The following PDZD2 variants were observed in gnomAD, a reference collection of about 807,000 sequenced individuals.
The protein encoded by PDZD2 is PDZ domain-containing protein 2.
A neutral mutation model predicts 220.7 loss-of-function variants in PDZD2; 90 were observed. The observed-to-expected ratio is 0.41, with a 90% confidence interval of 0.34 to 0.49. The LOEUF (loss-of-function observed/expected upper bound fraction) is 0.49, where lower values mean the gene tolerates loss of function less well. Among genes scored for constraint, PDZD2 ranks in the 20% least tolerant of loss-of-function variants. The pLI is 0.28. For missense variants in PDZD2, 3,174 were observed against 3,608.5 expected (o/e 0.88, Z 3.08); for synonymous variants, 1,375 against 1,450.5 (o/e 0.95, Z 1.18).
At chr5:32,063,809 G>A (rs1359957460) in intron 14 of PDZD2, among the ~76,000 whole-genome samples, 2 of 152,168 alleles carry the variant, frequency 1.3e-5, no homozygotes, top group East Asian at 1.9e-4. Context: ...AATTGTGGAC[G>A]GAATCAATAG....
chr5:31,873,429 C>T (rs1739003748), intron 2 of PDZD2, among the ~76,000 whole-genome samples: 1 of 137,332 alleles, frequency 7.3e-6, no homozygotes, highest in Non-Finnish European at 1.6e-5. Flanking sequence ...AGAGTGAAGC[C>T]TTGTCTCACC....
chr5:32,100,438 G>A (rs1018697515), intron 23 of PDZD2: 10 of 219,906 alleles, frequency 4.5e-5, no homozygotes, highest in Non-Finnish European at 6.4e-5. Context: ...CCACTATCCC[G>A]AAACCAGCAC....
intron 1 of PDZD2, among the ~76,000 whole-genome samples, chr5:31,689,357 T>TTTTTTTTA: frequency 2.0e-5 from 1 of 49,796 alleles, no homozygotes; most frequent in South Asian, 5.6e-4. Flanking sequence ...ATATATATTT[T>TTTTTTTTA]TTTTTTTTTT....
At chr5:31,788,598 G>A (rs566857691) in intron 1 of PDZD2, among the ~76,000 whole-genome samples, 22 of 152,180 alleles carry the variant, frequency 1.4e-4, no homozygotes, top group Admixed American at 7.8e-4. Flanking sequence ...CCTGGGAGGC[G>A]GAGAGTGCAG....
intron 2 of PDZD2, among the ~76,000 whole-genome samples, chr5:31,915,189 C>T (rs1181422152): frequency 6.6e-6 from 1 of 152,160 alleles, no homozygotes; most frequent in Non-Finnish European, 1.5e-5. Flanking sequence ...TGCCTACTTT[C>T]CAATTGGAGA....
chr5:31,958,787 A>AT (rs1169910917), intron 2 of PDZD2, among the ~76,000 whole-genome samples: 1 of 151,892 alleles, frequency 6.6e-6, no homozygotes, highest in Non-Finnish European at 1.5e-5. Context: ...CACCCAGCTA[A>AT]TTTTTTAAAT....
intron 1 of PDZD2, among the ~76,000 whole-genome samples, chr5:31,784,074 G>T (rs547474636): frequency 6.6e-6 from 1 of 152,130 alleles, no homozygotes; most frequent in Non-Finnish European, 1.5e-5. Flanking sequence ...AAGGCTCCTC[G>T]GTAGGGCTCC....
At chr5:31,907,431 C>G (rs777767471) in intron 2 of PDZD2, among the ~76,000 whole-genome samples, 11 of 152,204 alleles carry the variant, frequency 7.2e-5, no homozygotes, top group Non-Finnish European at 1.3e-4. Flanking sequence ...GCCCTTATCA[C>G]ATTGGGGATT....
At position 31,819,842 on chromosome 5, in the gene PDZD2, A is replaced by G. The variant is rs151124025; in HGVS notation, c.476+20118A>G. On this transcript the variant is annotated intron_variant, in intron 2 of 24. Coordinates refer to ENST00000438447, the MANE Select transcript of PDZD2 (RefSeq NM_178140.4). ...ATACTAGTTTGTATCCCCAGTGACAATATACAAAAGTGCTGTTTTTCTCGC... is the reference window on the plus strand; with the variant it reads ...ATACTAGTTTGTATCCCCAGTGACAGTATACAAAAGTGCTGTTTTTCTCGC... Among the ~76,000 whole-genome samples the G allele has an allele frequency of 4.1e-3, 630 of 152,214 alleles. 18 individuals are homozygous for G. The highest frequency in any genetic ancestry group is 0.037 in the Admixed American group (565 of 15,272).
chr5:31,737,121 C>T (rs1749908064), intron 1 of PDZD2, among the ~76,000 whole-genome samples: 1 of 150,854 alleles, frequency 6.6e-6, no homozygotes, highest in African/African-American at 2.4e-5. Context: ...CACCTTAGCA[C>T]TGGGGTGGAT....
chr5:31,830,143 T>G (rs1368114798), intron 2 of PDZD2, among the ~76,000 whole-genome samples: 1 of 150,036 alleles, frequency 6.7e-6, no homozygotes, highest in African/African-American at 2.5e-5. Flanking sequence ...TCCAAACCAC[T>G]CCCTTAATAC....
At chr5:31,834,017 C>T (rs1756793191) in intron 2 of PDZD2, among the ~76,000 whole-genome samples, 1 of 152,230 alleles carries the variant, frequency 6.6e-6, no homozygotes, top group Admixed American at 6.5e-5. Flanking sequence ...GGTGTCCACT[C>T]TTCCTCCTCT....
chr5:31,777,112 C>T (rs754034042), intron 1 of PDZD2, among the ~76,000 whole-genome samples: 1 of 152,166 alleles, frequency 6.6e-6, no homozygotes, highest in East Asian at 1.9e-4. Context: ...GGGAGAGGTG[C>T]GGCCAGGAAC....
intron 21 of PDZD2, among the ~76,000 whole-genome samples, chr5:32,095,903 G>A (rs1743635711): frequency 6.9e-6 from 1 of 145,000 alleles, no homozygotes; most frequent in African/African-American, 2.6e-5. Flanking sequence ...ACCATGCCCG[G>A]CTTTTTTTTT....
chr5:32,052,652 G>A lies in PDZD2; in HGVS notation c.1707G>A (p.Thr569=), dbSNP rs752054680. Residue 569 remains threonine, a synonymous_variant, in exon 9 of 25, where the codon ACG becomes ACA. Transcript: ENST00000438447. ...IVKKSTRSLS[T]TQVESPWRLI... ...AGAAGTCTACCCGCTCCTTAAGCAC[G>A]ACTCAGGTGGAATCTCCTTGGAGGC... The A allele has an allele frequency of 1.4e-5, 23 of 1,613,478 alleles. No homozygotes were observed. The highest frequency in any genetic ancestry group is 6.7e-5 in the East Asian group (3 of 44,896).
At chr5:31,978,445 C>A (rs1409889469) in intron 2 of PDZD2, among the ~76,000 whole-genome samples, 1 of 152,162 alleles carries the variant, frequency 6.6e-6, no homozygotes, top group Non-Finnish European at 1.5e-5. Context: ...AATGGCCAGG[C>A]ATGGTGGCTC....
At chr5:32,003,131 A>AC in intron 5 of PDZD2, among the ~76,000 whole-genome samples, 1 of 13,960 alleles carries the variant, frequency 7.2e-5, no homozygotes, top group African/African-American at 8.1e-5. Flanking sequence ...CGCCACACAC[A>AC]CACCACACAC....
At chr5:32,091,293 T>C (rs1743136004) in intron 20 of PDZD2, 118 bp downstream of exon 20, 1 of 844,466 alleles carries the variant, frequency 1.2e-6, no homozygotes, top group South Asian at 2.4e-5. Context: ...TTTTTTTTTT[T>C]TTTTTTTTTG....
chr5:31,930,616 G>A (rs1361519460), intron 2 of PDZD2, among the ~76,000 whole-genome samples: 1 of 152,142 alleles, frequency 6.6e-6, no homozygotes, highest in African/African-American at 2.4e-5. Context: ...AATTATTTGA[G>A]TGTTTCAAGC....
Sources: allele counts gnomAD v4.1 joint callset (sites outside exome capture counted in the v4.1 genomes callset), GRCh38; gene constraint gnomAD v4.1.1; transcripts MANE v1.5; gene names NCBI Gene and HGNC (gene_info 2026-07-23, HGNC 2026-07-21).